Variants in TBC1D1 observed in about 807,000 individuals in gnomAD.
TBC1D1 encodes TBC1 domain family member 1.
A neutral mutation model predicts 125.6 loss-of-function variants in TBC1D1; 89 were observed. The ratio of observed to expected loss-of-function variants is 0.71; its 90% CI spans 0.60 to 0.85. The LOEUF (loss-of-function observed/expected upper bound fraction) is 0.85. Ranked by LOEUF, TBC1D1 falls within the 40% of genes least tolerant of loss-of-function variation. The pLI is 0.00. For synonymous variants in TBC1D1, 565 were observed against 564.1 expected (o/e 1.00, Z -0.02); for missense variants, 1,377 against 1,469.2 (o/e 0.94, Z 1.03).
At chr4:37,963,218 TA>T (rs1730385988) in intron 2 of TBC1D1, among the ~76,000 whole-genome samples, 1 of 152,178 alleles carries the variant, frequency 6.6e-6, no homozygotes, top group South Asian at 2.1e-4. Context: ...TGAGACTGGG[TA>T]ATTTATAAAG....
intron 10 of TBC1D1, among the ~76,000 whole-genome samples, chr4:38,048,195 A>T (rs955380976): frequency 6.6e-6 from 1 of 152,206 alleles, no homozygotes; most frequent in African/African-American, 2.4e-5. Context: ...CTTCTAAAAA[A>T]TTGATCACCT....
intron 15 of TBC1D1, among the ~76,000 whole-genome samples, chr4:38,107,584 T>TTTTG (rs1417803246): frequency 1.1e-4 from 16 of 142,084 alleles, no homozygotes; most frequent in African/African-American, 2.8e-4. Flanking sequence ...CAGGTTTTTT[T>TTTTG]TTTTTTTTTT....
At chr4:38,020,501 T>C in intron 4 of TBC1D1, 90 bp from the exon 5 acceptor site, 1 of 1,014,920 alleles carries the variant, frequency 9.9e-7, no homozygotes. Context: ...AAAAGTAAAA[T>C]AAATTGTGCT....
chr4:38,008,542 T>A (rs933290160), intron 2 of TBC1D1, among the ~76,000 whole-genome samples: 2 of 152,120 alleles, frequency 1.3e-5, no homozygotes, highest in African/African-American at 2.4e-5. Context: ...GGATGAAAGA[T>A]CAAGACCCAA....
At chr4:37,991,009 C>T (rs965955253) in intron 2 of TBC1D1, among the ~76,000 whole-genome samples, 3 of 134,930 alleles carry the variant, frequency 2.2e-5, no homozygotes, top group Non-Finnish European at 4.6e-5. Flanking sequence ...GTGGCAGGCA[C>T]TTGAGACACA....
intron 2 of TBC1D1, chr4:38,006,771 G>T (rs145030937): frequency 4.3e-6 from 2 of 467,206 alleles, no homozygotes; most frequent in Non-Finnish European, 8.5e-6. Flanking sequence ...GAGCCACTGC[G>T]CCTGGCCCAA....
intron 15 of TBC1D1, among the ~76,000 whole-genome samples, chr4:38,104,945 C>T (rs71606105): frequency 0.12 from 17,571 of 151,734 alleles, 1,465 homozygotes; most frequent in East Asian, 0.4. Context: ...TTAGTAGAGA[C>T]GGGGTTTCAC....
At chr4:38,092,162 A>G (rs1026906676) in intron 13 of TBC1D1, among the ~76,000 whole-genome samples, 16 of 152,350 alleles carry the variant, frequency 1.1e-4, no homozygotes, top group African/African-American at 3.8e-4. Flanking sequence ...TTAAATATAG[A>G]TGCAAGATTT....
chr4:38,069,164 G>C (rs1372688802), intron 12 of TBC1D1, among the ~76,000 whole-genome samples: 1 of 152,170 alleles, frequency 6.6e-6, no homozygotes, highest in Admixed American at 6.5e-5. Flanking sequence ...GGTCATACAG[G>C]CAAGGTCATA....
At chr4:37,935,121 G>A (rs950346710) in intron 2 of TBC1D1, among the ~76,000 whole-genome samples, 1 of 152,046 alleles carries the variant, frequency 6.6e-6, no homozygotes, top group African/African-American at 2.4e-5. Context: ...ACATTAACAG[G>A]GTGGCAAAAA....
At chr4:37,916,726 G>A (rs191631425) in intron 2 of TBC1D1, among the ~76,000 whole-genome samples, 306 of 152,092 alleles carry the variant, frequency 2.0e-3, no homozygotes, top group African/African-American at 6.9e-3. Context: ...ACAACGGGAG[G>A]GCTGATGTTT....
At chr4:37,948,178 T>C (rs1577995048) in intron 2 of TBC1D1, among the ~76,000 whole-genome samples, 1 of 152,118 alleles carries the variant, frequency 6.6e-6, no homozygotes, top group Non-Finnish European at 1.5e-5. Context: ...GAAAGAAGAT[T>C]ATAAGAGGCA....
Position 38,035,621 on chromosome 4 carries a change from G to C in TBC1D1, c.1336G>C (p.Glu446Gln), listed in dbSNP as rs1483483444. 2 of 1,613,882 alleles carry C rather than the reference G, an allele frequency of 1.2e-6. No individual in the cohort carries two copies. Among genetic ancestry groups the C allele is most frequent in the African/African-American group, 1.3e-5 (1 of 75,036 alleles). Residue 446 changes from glutamate to glutamine, a missense_variant, in exon 8 of 20, where the codon GAA becomes CAA. Glu to Gln is a conservative substitution (Grantham distance 29, BLOSUM62 2). Around this residue, in one of 3 missense-constraint regions of TBC1D1, gnomAD observed 822 missense variants for 824.6 expected, o/e 1.00. Coordinates refer to ENST00000261439, the MANE Select transcript of TBC1D1 (RefSeq NM_015173.4). ...ACCGAGAAATGAGCAGCGAGAGAAT[G>C]AATTGATTATTTCTTTTCTGAGATG...
intron 14 of TBC1D1, among the ~76,000 whole-genome samples, chr4:38,102,560 C>T (rs1335555661): frequency 2.6e-5 from 4 of 152,030 alleles, no homozygotes; most frequent in African/African-American, 9.7e-5. Flanking sequence ...AGTTGCCTCC[C>T]TTCTGTTCTT....
chr4:38,065,953 C>A (rs1173492489), intron 12 of TBC1D1, among the ~76,000 whole-genome samples: 1 of 152,192 alleles, frequency 6.6e-6, no homozygotes, highest in Non-Finnish European at 1.5e-5. Flanking sequence ...ACTGGACTTA[C>A]TGCCCATCTT....
chr4:38,070,923 T>C (rs925592162), intron 12 of TBC1D1, among the ~76,000 whole-genome samples: 24 of 152,254 alleles, frequency 1.6e-4, no homozygotes, highest in African/African-American at 5.3e-4. Flanking sequence ...TGAATCATGA[T>C]GCTAACCAGT....
intron 17 of TBC1D1, among the ~76,000 whole-genome samples, chr4:38,122,075 G>T (rs1358890722): frequency 6.6e-6 from 1 of 152,132 alleles, no homozygotes; most frequent in African/African-American, 2.4e-5. Flanking sequence ...AACTTTCTCC[G>T]GCCTTGGAGG....
At chr4:37,992,102 G>C (rs1310853488) in intron 2 of TBC1D1, among the ~76,000 whole-genome samples, 2 of 152,214 alleles carry the variant, frequency 1.3e-5, no homozygotes, top group Admixed American at 1.3e-4. Flanking sequence ...TGTTCTGGTA[G>C]GGATTGCAGA....
At chr4:38,032,915 T>G (rs1160520930) in intron 7 of TBC1D1, among the ~76,000 whole-genome samples, 1 of 152,158 alleles carries the variant, frequency 6.6e-6, no homozygotes, top group African/African-American at 2.4e-5. Flanking sequence ...ATGGGAGATT[T>G]TAGGGAGGTG....
Sources: allele counts gnomAD v4.1 joint callset (sites outside exome capture counted in the v4.1 genomes callset), GRCh38; gene constraint gnomAD v4.1.1; regional missense constraint gnomAD v4.1.1; transcripts MANE v1.5; gene names NCBI Gene and HGNC (gene_info 2026-07-23, HGNC 2026-07-21).